MRPS6: variants seen among roughly 807,000 people sequenced by gnomAD.
MRPS6 encodes small ribosomal subunit protein bS6m.
A neutral mutation model predicts 13.1 loss-of-function variants in MRPS6; 6 were observed. The observed-to-expected ratio is 0.46, with a 90% CI of 0.25 to 0.91. MRPS6 has a LOEUF of 0.91. MRPS6 is among the 40% of genes least tolerant of loss of function. MRPS6 has a pLI of 0.18. For synonymous variants in MRPS6, 61 were observed against 56.5 expected, an observed-to-expected ratio of 1.08 and a Z score of -0.36; for missense variants, 164 against 155.6, an observed-to-expected ratio of 1.05 and a Z score of -0.29.
chr21:34,095,435 G>T (rs1440582344), intron 1 of MRPS6: 1 of 1,614,074 alleles, frequency 6.2e-7, no homozygotes, highest in East Asian at 2.2e-5. Context: ...GATTTGCAGT[G>T]GGCGCATGGG....
chr21:34,078,015 G>A (rs1989374210), intron 1 of MRPS6, among the ~76,000 whole-genome samples: 2 of 152,162 alleles, frequency 1.3e-5, no homozygotes, highest in Admixed American at 1.3e-4. Flanking sequence ...ACTGAAGTAT[G>A]AGTCAGGTCA....
chr21:34,131,316 G>A (rs1001328200), intron 2 of MRPS6, among the ~76,000 whole-genome samples: 1 of 152,228 alleles, frequency 6.6e-6, no homozygotes, highest in Non-Finnish European at 1.5e-5. Flanking sequence ...GGCTGGGGAA[G>A]AAGCAGACAC....
chr21:34,086,597 A>G (rs1978395917), intron 1 of MRPS6, among the ~76,000 whole-genome samples: 1 of 152,034 alleles, frequency 6.6e-6, no homozygotes, highest in South Asian at 2.1e-4. Context: ...TCTTTATTTC[A>G]GAAAGGATGT....
intron 1 of MRPS6, chr21:34,099,999 A>G: frequency 1.4e-6 from 1 of 692,836 alleles, no homozygotes; most frequent in Non-Finnish European, 1.8e-6. Flanking sequence ...GGACTGTCTT[A>G]AGCTAGCAAA....
At chr21:34,104,597 TA>T in intron 1 of MRPS6, 1 of 1,000,112 alleles carries the variant, frequency 1.0e-6, no homozygotes. Flanking sequence ...TTAGAAGAGT[TA>T]ACCTGAACAC....
intron 1 of MRPS6, among the ~76,000 whole-genome samples, chr21:34,076,985 G>A (rs1361557978): frequency 6.6e-6 from 1 of 152,200 alleles, no homozygotes; most frequent in African/African-American, 2.4e-5. Flanking sequence ...TTCAGTGTGA[G>A]GAAGACCTCT....
chr21:34,098,162 A>G (rs1265210702), intron 1 of MRPS6: 55 of 999,948 alleles, frequency 5.5e-5, no homozygotes, highest in Non-Finnish European at 6.4e-5. Context: ...AAGGTTGTTT[A>G]TATAGTTTGG....
At chr21:34,134,371 C>T (rs780106028) in intron 2 of MRPS6, among the ~76,000 whole-genome samples, 2 of 152,130 alleles carry the variant, frequency 1.3e-5, no homozygotes, top group African/African-American at 2.4e-5. Flanking sequence ...GTTTTTATTT[C>T]GTTGCTTAAG....
chr21:34,089,265 G>A (rs1181734249), intron 1 of MRPS6, among the ~76,000 whole-genome samples: 3 of 152,014 alleles, frequency 2.0e-5, no homozygotes, highest in African/African-American at 7.2e-5. Flanking sequence ...TGATCCACCC[G>A]CCTTGGCCTC....
rs975097049 is a variant in MRPS6 at position 34,096,767 on chromosome 21, A to G, written c.45+23022A>G. The stretch of plus-strand genomic sequence containing the variant: ...CCACAGGATTGTTTTGGGTCACGGG[A>G]CTCATTACTGTAATTGTGAGCCTTC... On this transcript the variant is annotated intron_variant, in intron 1 of 2. Coordinates refer to ENST00000399312, the MANE Select transcript of MRPS6 (RefSeq NM_032476.4). This position sits in a 1 kb window ranked among gnomAD's most constrained non-coding sequence, Gnocchi z 5.9. The G allele has an allele frequency of 1.9e-6, 3 of 1,614,010 alleles. No individual in the cohort carries two copies. Among genetic ancestry groups the G allele is most frequent in the Non-Finnish European group, 2.5e-6 (3 of 1,179,984 alleles).
chr21:34,112,379 G>C (rs1190952372), intron 1 of MRPS6, among the ~76,000 whole-genome samples: 1 of 152,000 alleles, frequency 6.6e-6, no homozygotes, highest in African/African-American at 2.4e-5. Flanking sequence ...CGATACCTAT[G>C]GGGTTACAGA....
At chr21:34,099,532 T>C in intron 1 of MRPS6, 1 of 999,498 alleles carries the variant, frequency 1.0e-6, no homozygotes, top group South Asian at 4.7e-5. Context: ...TGTAATTCAC[T>C]GATAATTGAC....
At position 34,102,384 on chromosome 21, in the gene MRPS6, G is replaced by GT. The variant is rs768627039; in HGVS notation, c.46-22954dup. ...GAGAATTGATGTAATTTCTGTTTCT[G>GT]TTTCCATCTAAACTTCTTTATAAAA... On this transcript the variant is annotated intron_variant, in intron 1 of 2. Transcript: ENST00000399312. 1.0e-5 allele frequency: 10 copies of GT among 999,328 alleles called. No homozygotes were observed. In the East Asian group the frequency reaches 9.4e-4, roughly 94 times the overall value. The allele number at this position is 999,328 out of a possible 1,614,324, so 61.9% of individuals were successfully genotyped here.
intron 1 of MRPS6, among the ~76,000 whole-genome samples, chr21:34,107,141 A>G (rs1182089033): frequency 6.6e-6 from 1 of 152,242 alleles, no homozygotes; most frequent in Non-Finnish European, 1.5e-5. Context: ...CATGTTGGCC[A>G]GGCTGGTCTT....
At chr21:34,076,570 A>T (rs1989336751) in intron 1 of MRPS6, among the ~76,000 whole-genome samples, 1 of 152,242 alleles carries the variant, frequency 6.6e-6, no homozygotes, top group Admixed American at 6.5e-5. Flanking sequence ...TTAGGAATGT[A>T]GTTAACTAGT....
intron 2 of MRPS6, among the ~76,000 whole-genome samples, chr21:34,141,268 G>A (rs2123280054): frequency 6.6e-6 from 1 of 152,318 alleles, no homozygotes; most frequent in African/African-American, 2.4e-5. Context: ...GTAAGCAAAT[G>A]CATACTGTGC....
At chr21:34,111,794 A>T (rs1435656172) in intron 1 of MRPS6, among the ~76,000 whole-genome samples, 1 of 150,904 alleles carries the variant, frequency 6.6e-6, no homozygotes, top group Non-Finnish European at 1.5e-5. Context: ...TTGTCTCTTC[A>T]TAGGAGTTTC....
Position 34,099,156 on chromosome 21 carries a change from G to A in MRPS6, c.45+25411G>A, listed in dbSNP as rs188434976. 4 of 999,194 alleles carry A rather than the reference G, an allele frequency of 4.0e-6. No individual in the cohort carries two copies. In the Admixed American group the frequency reaches 2.5e-4, roughly 61 times the overall value. The allele number at this position is 999,194 out of a possible 1,614,324, so 61.9% of individuals were successfully genotyped here. A position where few individuals can be genotyped will look rare whatever the true frequency, so the allele number is the denominator to read the frequency against. On this transcript the variant is annotated intron_variant, in intron 1 of 2. Transcript: ENST00000399312. ...TGAAAAAATAATTTATGTATGAATA[G>A]CATGTATTTCTGAAGAGCTTAGAGT...
chr21:34,087,882 C>T (rs1978477315), intron 1 of MRPS6, among the ~76,000 whole-genome samples: 1 of 152,220 alleles, frequency 6.6e-6, no homozygotes. Context: ...GTATCGCCAA[C>T]AGGCTTTGCT....
Sources: allele counts gnomAD v4.1 joint callset (sites outside exome capture counted in the v4.1 genomes callset), GRCh38; gene constraint gnomAD v4.1.1; non-coding constraint Gnocchi (gnomAD v3.1); transcripts MANE v1.5; gene names NCBI Gene and HGNC (gene_info 2026-07-23, HGNC 2026-07-21).